Variants in DENND5B observed in about 807,000 individuals in gnomAD.
The protein encoded by DENND5B is DENN domain-containing protein 5B.
A neutral mutation model predicts 140.6 loss-of-function variants in DENND5B; 34 were observed. That is an observed-to-expected ratio of 0.24 (90% CI 0.18 to 0.32). The LOEUF is 0.32. Ranked by LOEUF, DENND5B falls within the 10% of genes least tolerant of loss-of-function variation. DENND5B has a pLI of 1.00. For synonymous variants in DENND5B, 551 were observed against 562.1 expected, an observed-to-expected ratio of 0.98 and a Z score of 0.28; for missense variants, 1,142 against 1,560.2, an observed-to-expected ratio of 0.73 and a Z score of 4.52.
At chr12:31,542,006 G>A (rs1211272713) in intron 1 of DENND5B, among the ~76,000 whole-genome samples, 3 of 152,164 alleles carry the variant, frequency 2.0e-5, no homozygotes, top group African/African-American at 7.2e-5. Flanking sequence ...TAAAACAACT[G>A]GTCAGGCACA....
intron 1 of DENND5B, among the ~76,000 whole-genome samples, chr12:31,496,973 AC>A (rs1395532026): frequency 6.6e-6 from 1 of 152,204 alleles, no homozygotes; most frequent in East Asian, 1.9e-4. Context: ...AGTGCAAAAT[AC>A]TAGCTGTTAC....
intron 4 of DENND5B, among the ~76,000 whole-genome samples, chr12:31,452,816 A>T (rs1200150301): frequency 6.6e-6 from 1 of 152,136 alleles, no homozygotes; most frequent in African/African-American, 2.4e-5. Flanking sequence ...TACCATACTT[A>T]ATATATATGA....
chr12:31,425,438 T>C (rs1943188783), intron 9 of DENND5B, among the ~76,000 whole-genome samples: 2 of 152,236 alleles, frequency 1.3e-5, no homozygotes, highest in African/African-American at 4.8e-5. Context: ...TTGCACTTAG[T>C]TTGATTGCAC....
intron 3 of DENND5B, among the ~76,000 whole-genome samples, chr12:31,472,935 A>G (rs1157260007): frequency 6.7e-6 from 1 of 149,892 alleles, no homozygotes; most frequent in South Asian, 2.1e-4. Context: ...AAAATCTTCT[A>G]GTGAAGTCTT....
At chr12:31,407,785 GTGACA>G (rs1308887389) in intron 14 of DENND5B, among the ~76,000 whole-genome samples, 6 of 152,170 alleles carry the variant, frequency 3.9e-5, no homozygotes, top group African/African-American at 7.2e-5. Flanking sequence ...GCCTGGGTCC[GTGACA>G]GCACTGCCCA....
At chr12:31,444,897 C>A (rs577566817) in intron 6 of DENND5B, among the ~76,000 whole-genome samples, 1 of 152,194 alleles carries the variant, frequency 6.6e-6, no homozygotes, top group Non-Finnish European at 1.5e-5. Context: ...GGGAATACAA[C>A]AGGGTGATGT....
chr12:31,387,550 C>A lies in DENND5B; in HGVS notation c.*53G>T. On this transcript the variant is annotated 3_prime_UTR_variant, in exon 21 of 21. Transcript: ENST00000389082. ...TACTGTCAGACAAGTCCAAATCGGT[C>A]CCCTAGTTGGGGAAGGAGCAAGGTT... is the stretch of plus-strand genomic sequence containing the variant. 6.4e-7 allele frequency: 1 copy of A among 1,574,332 alleles called. No homozygotes were observed. Among genetic ancestry groups the A allele is most frequent in the South Asian group, 1.2e-5 (1 of 84,938 alleles).
intron 2 of DENND5B, among the ~76,000 whole-genome samples, chr12:31,494,225 C>CCT (rs1232758851): frequency 4.9e-5 from 7 of 142,964 alleles, no homozygotes; most frequent in African/African-American, 1.8e-4. Context: ...CCTACCTCTA[C>CCT]CTACCTACCT....
At chr12:31,552,546 A>C (rs1361676544) in intron 1 of DENND5B, among the ~76,000 whole-genome samples, 3 of 152,160 alleles carry the variant, frequency 2.0e-5, no homozygotes, top group Non-Finnish European at 4.4e-5. Context: ...TGTCTCTGCC[A>C]GGCTTTGGTA....
intron 3 of DENND5B, among the ~76,000 whole-genome samples, chr12:31,470,435 A>G (rs990614720): frequency 9.2e-5 from 14 of 151,410 alleles, no homozygotes; most frequent in African/African-American, 3.4e-4. Context: ...TTTTTTGTAG[A>G]GACGGGGTTT....
rs539174065 is a variant in DENND5B, at chr12:31,499,645, G to A, written c.128-3726C>T. ...GCAGCACCTTGGCTCTTGCCATGAC[G>A]ATCTGCTTCTAGCCATTGGTACAAA... On this transcript the variant is annotated intron_variant, in intron 1 of 20. Transcript: ENST00000389082. 1.0e-4 allele frequency: 157 copies of A among 1,504,598 alleles called. No homozygotes were observed. The African/African-American group carries it at 1.7e-3, about 16-fold the overall frequency. 93.2% of individuals were successfully genotyped at this position (1,504,598 alleles called of 1,614,324 possible).
intron 3 of DENND5B, among the ~76,000 whole-genome samples, chr12:31,462,173 G>A (rs1945048087): frequency 6.6e-6 from 1 of 152,014 alleles, no homozygotes; most frequent in Admixed American, 6.6e-5. Context: ...AATTACCTGG[G>A]GTGGATACAC....
intron 1 of DENND5B, among the ~76,000 whole-genome samples, chr12:31,534,362 T>C (rs1179111604): frequency 2.0e-5 from 3 of 152,100 alleles, no homozygotes; most frequent in South Asian, 2.1e-4. Context: ...GTATTTTTAG[T>C]AGAGACAGGG....
intron 1 of DENND5B, among the ~76,000 whole-genome samples, chr12:31,565,684 G>T (rs761478906): frequency 5.3e-5 from 8 of 152,188 alleles, no homozygotes; most frequent in Non-Finnish European, 1.2e-4. Flanking sequence ...AAGTTTCTCT[G>T]AGACTGTTCT....
At chr12:31,457,600 C>CA (rs1944830770) in intron 4 of DENND5B, among the ~76,000 whole-genome samples, 1 of 152,126 alleles carries the variant, frequency 6.6e-6, no homozygotes, top group African/African-American at 2.4e-5. Flanking sequence ...TTATGTGAAG[C>CA]AGATTATTTC....
At chr12:31,584,867 A>T (rs1216323989) in intron 1 of DENND5B, among the ~76,000 whole-genome samples, 1 of 151,648 alleles carries the variant, frequency 6.6e-6, no homozygotes, top group Non-Finnish European at 1.5e-5. Flanking sequence ...AGAAAAAGAA[A>T]AGAAATAGTT....
intron 1 of DENND5B, among the ~76,000 whole-genome samples, chr12:31,523,749 A>C (rs1325281363): frequency 6.6e-6 from 1 of 152,238 alleles, no homozygotes; most frequent in Non-Finnish European, 1.5e-5. Context: ...AAAGATAACT[A>C]CAGGATTACC....
chr12:31,534,156 G>GTT (rs1311222776), intron 1 of DENND5B, among the ~76,000 whole-genome samples: 1 of 147,858 alleles, frequency 6.8e-6, no homozygotes, highest in African/African-American at 2.5e-5. Context: ...CTTGTGTCAA[G>GTT]TTTTTTTTTT....
chr12:31,526,477 G>A (rs958041), intron 1 of DENND5B, among the ~76,000 whole-genome samples: 28 of 152,284 alleles, frequency 1.8e-4, no homozygotes, highest in Admixed American at 1.7e-3. Flanking sequence ...GTGCTCCTAA[G>A]TTTTACAACC....
Sources: gnomAD v4.1 joint callset for allele counts (sites outside exome capture counted in the v4.1 genomes callset) on GRCh38, gnomAD v4.1.1 for gene constraint, MANE v1.5 for transcripts, NCBI Gene and HGNC (gene_info 2026-07-23, HGNC 2026-07-21) for gene names.